Variants in CDKAL1 observed in about 807,000 individuals in gnomAD.
CDKAL1 encodes threonylcarbamoyladenosine tRNA methylthiotransferase.
CDKAL1 carries 32 observed loss-of-function variants against 68.2 expected under a neutral mutation model. The observed-to-expected ratio is 0.47, with a 90% CI of 0.35 to 0.63. CDKAL1 has a LOEUF of 0.63. CDKAL1 is among the 30% of genes least tolerant of loss of function. The pLI, the probability that CDKAL1 is intolerant of heterozygous loss-of-function variation, is 0.00. For missense variants in CDKAL1, 606 were observed against 696.7 expected, an observed-to-expected ratio of 0.87 and a Z score of 1.47; for synonymous variants, 234 against 244.3, an observed-to-expected ratio of 0.96 and a Z score of 0.39.
intron 12 of CDKAL1, among the ~76,000 whole-genome samples, chr6:21,067,347 C>T (rs1283927689): frequency 6.6e-6 from 1 of 152,200 alleles, no homozygotes; most frequent in South Asian, 2.1e-4. Context: ...TTTTGCATAA[C>T]ATTATGTTGG....
At chr6:21,076,995 A>C (rs1422289965) in intron 12 of CDKAL1, among the ~76,000 whole-genome samples, 1 of 152,194 alleles carries the variant, frequency 6.6e-6, no homozygotes, top group Non-Finnish European at 1.5e-5. Context: ...ATAGAAAGAT[A>C]GTTGAGAGCC....
chr6:20,899,518 A>G (rs1162929965), intron 9 of CDKAL1, among the ~76,000 whole-genome samples: 1 of 152,016 alleles, frequency 6.6e-6, no homozygotes, highest in Non-Finnish European at 1.5e-5. Flanking sequence ...TACCTGGTAC[A>G]ATGCTAAGCA....
intron 8 of CDKAL1, among the ~76,000 whole-genome samples, chr6:20,783,562 T>A (rs1367668982): frequency 2.0e-5 from 3 of 152,180 alleles, no homozygotes; most frequent in Non-Finnish European, 4.4e-5. Context: ...CTGGCATGTC[T>A]GTCCTTCCCC....
intron 4 of CDKAL1, among the ~76,000 whole-genome samples, chr6:20,641,308 G>C (rs1224173614): frequency 6.6e-6 from 1 of 151,952 alleles, no homozygotes; most frequent in Non-Finnish European, 1.5e-5. Context: ...AGGGAAAAAA[G>C]GGCAATGCAT....
intron 9 of CDKAL1, among the ~76,000 whole-genome samples, chr6:20,888,809 T>C (rs1356480859): frequency 6.6e-6 from 1 of 152,086 alleles, no homozygotes; most frequent in Admixed American, 6.6e-5. Context: ...TTTGCTACTG[T>C]GAATAGTGCC....
intron 8 of CDKAL1, among the ~76,000 whole-genome samples, chr6:20,817,750 G>A (rs540713182): frequency 2.0e-5 from 3 of 152,154 alleles, no homozygotes; most frequent in East Asian, 1.9e-4. Flanking sequence ...TTCTACCTCC[G>A]GCAAGCATAC....
At chr6:20,943,340 AAAAAG>A (rs1561903728) in intron 9 of CDKAL1, among the ~76,000 whole-genome samples, 16 of 79,008 alleles carry the variant, frequency 2.0e-4, no homozygotes, top group Middle Eastern at 5.0e-3. Context: ...AAAAAAAAAA[AAAAAG>A]AAAAAGAAAA....
chr6:21,050,721 A>G (rs1220974414), intron 11 of CDKAL1, among the ~76,000 whole-genome samples: 1 of 152,228 alleles, frequency 6.6e-6, no homozygotes, highest in East Asian at 1.9e-4. Flanking sequence ...GTGGGGATCA[A>G]TCAGAGGAAA....
At chr6:20,582,902 G>A (rs747422085) in intron 4 of CDKAL1, among the ~76,000 whole-genome samples, 1 of 152,074 alleles carries the variant, frequency 6.6e-6, no homozygotes, top group Non-Finnish European at 1.5e-5. Flanking sequence ...ACTTCTCTAA[G>A]CTTCCACAGA....
In CDKAL1 at chr6:20,862,684, C is replaced by T. The variant is rs180816557; in HGVS notation, c.742+16506C>T. Among the ~76,000 whole-genome samples, 794 of 152,062 alleles carry T rather than the reference C, an allele frequency of 5.2e-3. 6 individuals are homozygous for T. Among genetic ancestry groups the T allele is most frequent in the African/African-American group, 0.018 (764 of 41,438 alleles). ...GTGTGCGCGCGTGCATGCGCGCGTG[C>T]GCATATACCCATATACTCTCACATA... is the stretch of plus-strand genomic sequence containing the variant. On this transcript the variant is annotated intron_variant, in intron 9 of 15. Transcript: ENST00000274695.
rs1282564325 is a variant in CDKAL1, at chr6:20,836,346, C to T, written c.639-9729C>T. Among the ~76,000 whole-genome samples, 5 of 152,166 alleles carry T rather than the reference C, an allele frequency of 3.3e-5. 1 individual carries two copies. The South Asian group carries it at 1.0e-3, about 32-fold the overall frequency. On this transcript the variant is annotated intron_variant, in intron 8 of 15. Transcript: ENST00000274695. ...CATTTTTAAAAAAGCAGCACCGTCA[C>T]TAAGTTAGTTATATATAAAAATTCA...
At position 20,816,442 on chromosome 6, in the gene CDKAL1, C is replaced by T. The variant is rs150376424; in HGVS notation, c.639-29633C>T. Among the ~76,000 whole-genome samples, 121 of 152,166 alleles carry T rather than the reference C, an allele frequency of 8.0e-4. 1 individual carries two copies. The highest frequency in any genetic ancestry group is 2.7e-3 in the African/African-American group (112 of 41,514). ...GCAATGTGCTAGCATTTAGTTATAC[C>T]TACAGTTTGCCCATAAACACAGATT... On this transcript the variant is annotated intron_variant, in intron 8 of 15. Transcript: ENST00000274695.
intron 5 of CDKAL1, among the ~76,000 whole-genome samples, chr6:20,727,119 A>G (rs764613278): frequency 7.2e-5 from 11 of 152,180 alleles, no homozygotes; most frequent in Non-Finnish European, 1.5e-4. Context: ...TTACTCTTAT[A>G]GCCATAGGAA....
chr6:20,537,998 G>A (rs1763243505), intron 2 of CDKAL1, among the ~76,000 whole-genome samples: 1 of 152,174 alleles, frequency 6.6e-6, no homozygotes, highest in South Asian at 2.1e-4. Flanking sequence ...ACATAATGCT[G>A]ATATGCAGCG....
At chr6:21,133,267 A>G (rs974792653) in intron 13 of CDKAL1, among the ~76,000 whole-genome samples, 1 of 152,206 alleles carries the variant, frequency 6.6e-6, no homozygotes, top group Non-Finnish European at 1.5e-5. Flanking sequence ...GTACTGTTTG[A>G]CAGATACTGT....
At chr6:20,852,284 A>T (rs560735852) in intron 9 of CDKAL1, among the ~76,000 whole-genome samples, 19 of 152,310 alleles carry the variant, frequency 1.2e-4, no homozygotes, top group African/African-American at 4.1e-4. Context: ...ATATAATCTG[A>T]TAGGAGTATG....
chr6:20,972,381 C>T (rs921368424), intron 10 of CDKAL1, among the ~76,000 whole-genome samples: 1 of 152,172 alleles, frequency 6.6e-6, no homozygotes, highest in African/African-American at 2.4e-5. Flanking sequence ...CTTAGCTCTT[C>T]CTTAGCCTTT....
At chr6:21,203,215 A>AT (rs371165972) in intron 15 of CDKAL1, among the ~76,000 whole-genome samples, 954 of 47,112 alleles carry the variant, frequency 0.02, 250 homozygotes, top group Non-Finnish European at 0.024. Flanking sequence ...ATCCTGGCTA[A>AT]TTTTTTTTTT....
intron 9 of CDKAL1, among the ~76,000 whole-genome samples, chr6:20,920,264 T>C (rs991059826): frequency 6.6e-6 from 1 of 152,198 alleles, no homozygotes; most frequent in Admixed American, 6.5e-5. Flanking sequence ...TTGAATAATG[T>C]CATTTCTAGA....
Sources: allele counts gnomAD v4.1 joint callset (sites outside exome capture counted in the v4.1 genomes callset), GRCh38; gene constraint gnomAD v4.1.1; transcripts MANE v1.5; gene names NCBI Gene and HGNC (gene_info 2026-07-23, HGNC 2026-07-21).